The following ABCA1 variants were observed in gnomAD, a reference collection of about 807,000 sequenced individuals.
ABCA1 encodes the protein phospholipid-transporting ATPase ABCA1.
A neutral mutation model predicts 262.5 loss-of-function variants in ABCA1; 133 were observed. The observed-to-expected ratio is 0.51, with a 90% CI of 0.44 to 0.59. The LOEUF (loss-of-function observed/expected upper bound fraction) is 0.59, where lower values mean the gene tolerates loss of function less well. Among genes scored for constraint, ABCA1 ranks in the 20% least tolerant of loss-of-function variants. The probability of loss-of-function intolerance (pLI) is 0.00; values close to 1 mark genes in which losing one functional copy is unlikely to be tolerated. For synonymous variants in ABCA1, 1,022 were observed against 1,043.5 expected, an observed-to-expected ratio of 0.98 and a Z score of 0.40; for missense variants, 2,452 against 2,777.5, an observed-to-expected ratio of 0.88 and a Z score of 2.63.
intron 3 of ABCA1, among the ~76,000 whole-genome samples, chr9:104,888,058 G>GGTGGGT: frequency 7.1e-6 from 1 of 140,404 alleles, no homozygotes; most frequent in South Asian, 2.2e-4. Flanking sequence ...TTTCTTGAGG[G>GGTGGGT]GTGTGTGTGT....
intron 1 of ABCA1, among the ~76,000 whole-genome samples, chr9:104,925,313 G>A (rs942869859): frequency 1.4e-4 from 16 of 116,456 alleles, no homozygotes; most frequent in African/African-American, 5.0e-4. Context: ...GGAGGTGGAG[G>A]TTGCAGTGAG....
rs769301800 is a variant in ABCA1, at chr9:104,810,874, G to C, written c.4101C>G (p.Ile1367Met). Residue 1367 changes from isoleucine to methionine, a missense_variant, in exon 29 of 50, where the codon ATC becomes ATG. This residue lies in a region of ABCA1 where 665 missense variants were observed against 727.3 expected (regional missense o/e 0.91). Coordinates refer to ENST00000374736, the MANE Select transcript of ABCA1 (RefSeq NM_005502.4). ...TGGGGTACTTGCCAAAGGGTGGCAC[G>C]ATCAGGCTGAACACAAGGGCAATGC... ...FVCIALVFSLIVPPFGKYPSL... is the reference protein window; with the variant it reads ...FVCIALVFSLMVPPFGKYPSL... 2 of 1,614,208 alleles carry C rather than the reference G, an allele frequency of 1.2e-6. No homozygotes were observed. Among genetic ancestry groups the C allele is most frequent in the East Asian group, 2.2e-5 (1 of 44,882 alleles).
At chr9:104,859,769 G>A (rs2119098645) in intron 6 of ABCA1, among the ~76,000 whole-genome samples, 1 of 152,270 alleles carries the variant, frequency 6.6e-6, no homozygotes, top group South Asian at 2.1e-4. Flanking sequence ...ACTGACAACA[G>A]GCCGGGTGCA....
chr9:104,818,959 A>G (rs1466183182), intron 22 of ABCA1, 76 bp from the exon 23 acceptor site: 1 of 1,363,964 alleles, frequency 7.3e-7, no homozygotes, highest in Non-Finnish European at 1.0e-6. Context: ...CAGGGACTAG[A>G]GAGATATTAG....
chr9:104,815,730 T>C (rs1173392495), intron 25 of ABCA1, among the ~76,000 whole-genome samples: 1 of 152,208 alleles, frequency 6.6e-6, no homozygotes, highest in Non-Finnish European at 1.5e-5. Flanking sequence ...CACCAGAGAA[T>C]TGCTCCTGAT....
chr9:104,803,354 A>G (rs769538906), intron 32 of ABCA1, 38 bp from the exon 33 acceptor site: 52 of 1,602,382 alleles, frequency 3.2e-5, no homozygotes, highest in Non-Finnish European at 4.4e-5. Flanking sequence ...GTTCAAAGAA[A>G]GCACTGAGCC....
intron 2 of ABCA1, 30 bp downstream of exon 2, chr9:104,903,584 A>AC (rs1564281977): frequency 9.6e-6 from 15 of 1,562,400 alleles, no homozygotes; most frequent in South Asian, 1.2e-5. Context: ...AAATGAGAGA[A>AC]CCCCCCGCTG....
intron 7 of ABCA1, chr9:104,855,160 A>G (rs1835730467): frequency 1.0e-6 from 1 of 985,236 alleles, no homozygotes. Flanking sequence ...TTCGCTTGGT[A>G]TGAGTTCTAA....
In ABCA1 at chr9:104,837,485, G is replaced by C. The variant is rs370254182; in HGVS notation, c.1137C>G (p.Leu379=). The C allele has an allele frequency of 6.2e-7, 1 of 1,614,090 alleles. No homozygotes were observed. Among genetic ancestry groups the C allele is most frequent in the African/African-American group, 1.3e-5 (1 of 75,028 alleles). The stretch of plus-strand genomic sequence containing the variant: ...CAGGTGTATACAGGATCTTCCCAAC[G>C]AGCAGCGGCTTCAGAGCTTTCCAGA... ...RIIWKALKPL[L]VGKILYTPDT... is the part of the protein sequence containing the mutation. Residue 379 remains leucine (L), a synonymous_variant, in exon 10 of 50, where the codon CTC becomes CTG. Coordinates refer to ENST00000374736, the MANE Select transcript of ABCA1 (RefSeq NM_005502.4).
chr9:104,911,290 T>C (rs1258819661), intron 1 of ABCA1, among the ~76,000 whole-genome samples: 1 of 152,160 alleles, frequency 6.6e-6, no homozygotes, highest in African/African-American at 2.4e-5. Context: ...CAGGGTCCTA[T>C]AATATTAGGA....
chr9:104,922,128 T>C (rs1436078566), intron 1 of ABCA1, among the ~76,000 whole-genome samples: 1 of 152,216 alleles, frequency 6.6e-6, no homozygotes, highest in African/African-American at 2.4e-5. Context: ...AATCCAGTGC[T>C]CCTCCATTGT....
In ABCA1 at chr9:104,837,112, G is replaced by T; in HGVS notation, c.1195-16C>A. The T allele has an allele frequency of 6.3e-7, 1 of 1,589,194 alleles. No individual in the cohort carries two copies. On this transcript the variant is annotated splice_polypyrimidine_tract_variant and intron_variant, in intron 10 of 49. Coordinates refer to ENST00000374736, the MANE Select transcript of ABCA1 (RefSeq NM_005502.4). ...TCTTGTTCACCTGGAGTCAGGTGGG[G>T]AGCCAGGGACCGCAGAAAAAGGAGG...
intron 11 of ABCA1, among the ~76,000 whole-genome samples, chr9:104,836,295 C>T (rs1054388528): frequency 2.6e-5 from 4 of 152,182 alleles, no homozygotes; most frequent in African/African-American, 9.7e-5. Context: ...TCACCTGCTT[C>T]TTAAGGGGAG....
In ABCA1 at chr9:104,822,644, G is replaced by C. The variant is rs745526295; in HGVS notation, c.2680C>G (p.His894Asp). The C allele has an allele frequency of 1.2e-6, 2 of 1,614,084 alleles. No homozygotes were observed. Among genetic ancestry groups the C allele is most frequent in the Non-Finnish European group, 1.7e-6 (2 of 1,180,026 alleles). The change falls in exon 19 of 50, where the codon CAC becomes GAC. Residue 894 changes from histidine (H) to aspartate (D), a missense_variant. Physicochemically the swap from His to Asp is moderately conservative, Grantham distance 81 (BLOSUM62 -1). Coordinates refer to ENST00000374736, the MANE Select transcript of ABCA1 (RefSeq NM_005502.4). The stretch of plus-strand genomic sequence containing the variant: ...TGAATGGACACGCCCAGCTTCAAGT[G>C]GGTGGGTTCCTCCTCCATGCAGACT... ...SEICMEEEPT[H>D]LKLGVSIQNL...
At chr9:104,810,430 C>G (rs1478125826) in intron 29 of ABCA1, among the ~76,000 whole-genome samples, 5 of 152,102 alleles carry the variant, frequency 3.3e-5, no homozygotes, top group African/African-American at 1.2e-4. Flanking sequence ...TCTGGAGGTT[C>G]TATGCTTTGA....
chr9:104,836,965 G>A lies in ABCA1; in HGVS notation c.1311+15C>T. 6.3e-7 allele frequency: 1 copy of A among 1,596,722 alleles called. No individual in the cohort carries two copies. The highest frequency in any genetic ancestry group is 8.6e-7 in the Non-Finnish European group (1 of 1,164,156). Reference sequence around the variant, plus strand: ...TATCAAGCAGGCACATGGTAATAATGGGAGGGACACTCACCCGGACAAGGT... The same window carrying A: ...TATCAAGCAGGCACATGGTAATAATAGGAGGGACACTCACCCGGACAAGGT... On this transcript the variant is annotated intron_variant, in intron 11 of 49. Transcript: ENST00000374736.
At chr9:104,814,514 C>G in intron 25 of ABCA1, 39 bp from the exon 26 acceptor site, 1 of 1,596,754 alleles carries the variant, frequency 6.3e-7, no homozygotes, top group Non-Finnish European at 8.6e-7. Context: ...TAAGCACCAA[C>G]ATTACGAGAG....
intron 1 of ABCA1, among the ~76,000 whole-genome samples, chr9:104,913,735 T>A (rs1317445608): frequency 1.3e-5 from 2 of 152,198 alleles, no homozygotes; most frequent in African/African-American, 4.8e-5. Flanking sequence ...CTCACAGAGG[T>A]TGCACCTATC....
chr9:104,793,898 G>A (rs777559598), intron 40 of ABCA1, among the ~76,000 whole-genome samples: 25 of 152,224 alleles, frequency 1.6e-4, no homozygotes, highest in Non-Finnish European at 3.4e-4. Context: ...ATGGCTACCG[G>A]AGAAATATTT....
Sources: gnomAD v4.1 joint callset for allele counts (sites outside exome capture counted in the v4.1 genomes callset) on GRCh38, gnomAD v4.1.1 for gene constraint, gnomAD v4.1.1 regional missense constraint, MANE v1.5 for transcripts, NCBI Gene and HGNC (gene_info 2026-07-23, HGNC 2026-07-21) for gene names.